Variants in NKAIN2 observed in about 807,000 individuals in gnomAD.
The protein encoded by NKAIN2 is sodium/potassium-transporting ATPase subunit beta-1-interacting protein 2.
Under a neutral mutation model 32.6 loss-of-function variants are expected in NKAIN2, and 14 were observed. The ratio of observed to expected loss-of-function variants is 0.43; its 90% CI spans 0.28 to 0.67. NKAIN2 has a LOEUF of 0.67. Ranked by LOEUF, NKAIN2 falls within the 30% of genes least tolerant of loss-of-function variation. NKAIN2 has a pLI of 0.17. For synonymous variants in NKAIN2, 80 were observed against 87.2 expected, an observed-to-expected ratio of 0.92 and a Z score of 0.46; for missense variants, 198 against 258.3, an observed-to-expected ratio of 0.77 and a Z score of 1.60.
chr6:124,199,211 A>G (rs802280), intron 1 of NKAIN2, among the ~76,000 whole-genome samples: 105,597 of 152,068 alleles, frequency 0.69, 36,923 homozygotes, highest in South Asian at 0.75. Flanking sequence ...CTGGATACAA[A>G]CATTCTGGTC....
rs141387468 is a variant in NKAIN2 at position 124,375,207 on chromosome 6, C to T, written c.273+19860C>T. ...TTCTTAGATTATTCTGCCTAAAACA[C>T]GTGCTCCAGATCCCACTCCTATTAC... On this transcript the variant is annotated intron_variant, in intron 3 of 6. Coordinates refer to ENST00000368417, the MANE Select transcript of NKAIN2 (RefSeq NM_001040214.3). Among the ~76,000 whole-genome samples, 603 of 151,980 alleles carry T rather than the reference C, an allele frequency of 4.0e-3. 7 individuals are homozygous for T. The highest frequency in any genetic ancestry group is 0.014 in the African/African-American group (581 of 41,492).
chr6:124,675,800 GT>G, intron 4 of NKAIN2, among the ~76,000 whole-genome samples: 1 of 150,216 alleles, frequency 6.7e-6, no homozygotes, highest in South Asian at 2.1e-4. Context: ...TAGTTTTTTT[GT>G]TTTTTTAATA....
intron 2 of NKAIN2, among the ~76,000 whole-genome samples, chr6:124,329,564 C>T (rs1039776023): frequency 1.3e-5 from 2 of 152,166 alleles, no homozygotes; most frequent in Admixed American, 1.3e-4. Context: ...GAGTGATGAG[C>T]AGAACTACTC....
intron 1 of NKAIN2, among the ~76,000 whole-genome samples, chr6:124,037,939 T>C (rs1205340723): frequency 1.1e-4 from 17 of 152,098 alleles, no homozygotes. Flanking sequence ...AGGCCCATGA[T>C]TGGGCAAAAT....
intron 1 of NKAIN2, among the ~76,000 whole-genome samples, chr6:124,177,412 G>C (rs1789215133): frequency 2.6e-5 from 4 of 152,098 alleles, no homozygotes; most frequent in African/African-American, 9.7e-5. Flanking sequence ...TGACATTTCT[G>C]TAAATGACTA....
rs533348636 is a variant in NKAIN2, at chr6:123,934,864, G to T, written c.54+130610G>T. On this transcript the variant is annotated intron_variant, in intron 1 of 6. Coordinates refer to ENST00000368417, the MANE Select transcript of NKAIN2 (RefSeq NM_001040214.3). ...TTAGCTGTGCTGTTACAAGTCTCTA[G>T]AAAAGTTGTAAAATCTATTTTCTAC... Among the ~76,000 whole-genome samples the T allele has an allele frequency of 1.5e-4, 22 of 151,700 alleles. No individual in the cohort carries two copies. The South Asian group carries it at 4.6e-3, about 32-fold the overall frequency.
At chr6:124,188,210 G>A (rs770590425) in intron 1 of NKAIN2, among the ~76,000 whole-genome samples, 2 of 152,140 alleles carry the variant, frequency 1.3e-5, no homozygotes, top group East Asian at 3.9e-4. Context: ...TTCAATCAGA[G>A]AAGTAAATTC....
At chr6:124,051,987 C>G (rs1582540530) in intron 1 of NKAIN2, among the ~76,000 whole-genome samples, 1 of 151,966 alleles carries the variant, frequency 6.6e-6, no homozygotes, top group Non-Finnish European at 1.5e-5. Context: ...TGGGAGGGGC[C>G]AAGAAGCAGA....
chr6:124,252,540 T>C (rs1378163236), intron 1 of NKAIN2, among the ~76,000 whole-genome samples: 7 of 152,142 alleles, frequency 4.6e-5, no homozygotes, highest in Non-Finnish European at 7.4e-5. Flanking sequence ...TCTTGATAGA[T>C]ATTTTCATTC....
At chr6:123,881,831 T>C (rs764257042) in intron 1 of NKAIN2, among the ~76,000 whole-genome samples, 17 of 152,282 alleles carry the variant, frequency 1.1e-4, no homozygotes, top group Admixed American at 2.0e-4. Context: ...ATATGTTAGA[T>C]TGTGTGTGGA....
intron 1 of NKAIN2, among the ~76,000 whole-genome samples, chr6:124,177,247 G>A (rs1789203124): frequency 6.6e-6 from 1 of 152,102 alleles, no homozygotes; most frequent in South Asian, 2.1e-4. Flanking sequence ...TTCGATACAA[G>A]TAGTCCAAAC....
intron 2 of NKAIN2, among the ~76,000 whole-genome samples, chr6:124,326,975 C>T (rs1044622579): frequency 2.0e-5 from 3 of 151,976 alleles, no homozygotes; most frequent in African/African-American, 4.8e-5. Flanking sequence ...TGAGATCCAG[C>T]GTTCTGATCA....
intron 1 of NKAIN2, among the ~76,000 whole-genome samples, chr6:123,941,493 T>C (rs1776822504): frequency 6.6e-6 from 1 of 151,890 alleles, no homozygotes; most frequent in Admixed American, 6.6e-5. Context: ...CGCTATGTTA[T>C]GATGGTGTTG....
At chr6:124,470,785 A>G (rs193087929) in intron 3 of NKAIN2, among the ~76,000 whole-genome samples, 62 of 152,334 alleles carry the variant, frequency 4.1e-4, no homozygotes, top group Non-Finnish European at 6.8e-4. Flanking sequence ...ATTGAGTTAT[A>G]GCAAAAAAAC....
At chr6:124,757,988 C>G (rs1354235356) in intron 4 of NKAIN2, among the ~76,000 whole-genome samples, 1 of 152,130 alleles carries the variant, frequency 6.6e-6, no homozygotes, top group Non-Finnish European at 1.5e-5. Context: ...AACAAGAGAA[C>G]AAAGTTGTGA....
intron 1 of NKAIN2, among the ~76,000 whole-genome samples, chr6:124,205,081 C>A (rs750698742): frequency 6.6e-6 from 1 of 151,462 alleles, no homozygotes; most frequent in Non-Finnish European, 1.5e-5. Context: ...AAAGAAATGT[C>A]CCAGGTAACT....
intron 4 of NKAIN2, among the ~76,000 whole-genome samples, chr6:124,681,741 A>G (rs1457213172): frequency 6.6e-6 from 1 of 152,070 alleles, no homozygotes; most frequent in Non-Finnish European, 1.5e-5. Context: ...TGGGAAATCT[A>G]AAATTGGATA....
chr6:124,298,423 T>A (rs1339754562), intron 2 of NKAIN2, among the ~76,000 whole-genome samples: 1 of 152,186 alleles, frequency 6.6e-6, no homozygotes, highest in African/African-American at 2.4e-5. Flanking sequence ...TTCGAATTAC[T>A]AGGAATGAAA....
intron 1 of NKAIN2, among the ~76,000 whole-genome samples, chr6:124,102,981 G>A (rs1037789848): frequency 5.9e-5 from 9 of 152,012 alleles, no homozygotes; most frequent in African/African-American, 1.9e-4. Context: ...CTGGAAACAC[G>A]TATTAATTGT....
Sources: gnomAD v4.1 joint callset for allele counts (sites outside exome capture counted in the v4.1 genomes callset) on GRCh38, gnomAD v4.1.1 for gene constraint, MANE v1.5 for transcripts, NCBI Gene and HGNC (gene_info 2026-07-23, HGNC 2026-07-21) for gene names.